Variants in RRM2 observed in about 807,000 individuals in gnomAD.
RRM2 encodes ribonucleoside-diphosphate reductase subunit M2.
In RRM2, 6 loss-of-function variants were observed where a neutral mutation model predicts 45.9. That is an observed-to-expected ratio of 0.13 (90% CI 0.07 to 0.26). The LOEUF (loss-of-function observed/expected upper bound fraction) is 0.26. RRM2 is among the 10% of genes least tolerant of loss of function. The probability of loss-of-function intolerance (pLI) is 1.00; values close to 1 mark genes in which losing one functional copy is unlikely to be tolerated. For synonymous variants in RRM2, 177 were observed against 173.0 expected (o/e 1.02, Z -0.18); for missense variants, 343 against 489.5 (o/e 0.70, Z 2.82).
Position 10,122,852 on chromosome 2 carries a change from G to C in RRM2, c.54G>C (p.Gln18His). 6.2e-7 allele frequency: 1 copy of C among 1,601,598 alleles called. No individual in the cohort carries two copies. Among genetic ancestry groups the C allele is most frequent in the Non-Finnish European group, 8.5e-7 (1 of 1,175,860 alleles). The change falls in exon 1 of 10, where the codon CAG (glutamine) becomes CAC (histidine). Residue 18 changes from glutamine (Q) to histidine (H), a missense_variant. Around this residue, in one of 2 missense-constraint regions of RRM2, gnomAD observed 131 missense variants for 121.4 expected, o/e 1.08. Transcript: ENST00000304567. ...CCATCACGGACCCGCAGCAGCTGCA[G>C]CTCTCGCCGCTGAAGGGGCTCAGCT... ...LAPITDPQQL[Q>H]LSPLKGLSLV...
At chr2:10,133,667 C>G (rs1662940947), downstream of RRM2, among the ~76,000 whole-genome samples, 1 of 150,612 alleles carries the variant, frequency 6.6e-6, no homozygotes, top group African/African-American at 2.5e-5. Context: ...TCAGTGGTGT[C>G]TCCCTGCCAT....
rs530623787 is a variant in RRM2, at chr2:10,209,598, C to T, written n.483-713C>T. Reference sequence around the variant, plus strand: ...GCATGTGTGTGTGTGTGTGCGCGCGCGTGTGTGTGCGTGCATGCGTGTGTG... The same window carrying T: ...GCATGTGTGTGTGTGTGTGCGCGCGTGTGTGTGTGCGTGCATGCGTGTGTG... On this transcript the variant is annotated intron_variant and non_coding_transcript_variant, in intron 3 of 3. Coordinates refer to the RRM2 transcript ENST00000381786. Among the ~76,000 whole-genome samples, 43 of 113,404 alleles carry T rather than the reference C, an allele frequency of 3.8e-4. No individual in the cohort carries two copies. The South Asian group carries it at 4.6e-3, about 12-fold the overall frequency. The allele number at this position is 113,404 out of a possible 152,430, so 74.4% of individuals were successfully genotyped here.
chr2:10,203,759 A>AC (rs1572537344), intron 3 of RRM2, among the ~76,000 whole-genome samples: 3 of 133,584 alleles, frequency 2.2e-5, no homozygotes, highest in East Asian at 2.1e-4. Flanking sequence ...TCACAAAAAT[A>AC]AATACATACA....
At chr2:10,162,984 G>T (rs1211523319) in intron 3 of RRM2, among the ~76,000 whole-genome samples, 2 of 152,218 alleles carry the variant, frequency 1.3e-5, no homozygotes, top group Non-Finnish European at 2.9e-5. Flanking sequence ...GTCTGCACGG[G>T]GCTGCCAGTG....
At chr2:10,191,210 T>G (rs890757005) in intron 3 of RRM2, among the ~76,000 whole-genome samples, 5 of 152,184 alleles carry the variant, frequency 3.3e-5, no homozygotes, top group African/African-American at 9.6e-5. Flanking sequence ...GCTGTGCCTA[T>G]CAGCCCCTAG....
Position 10,129,621 on chromosome 2 carries a change from G to T in RRM2, c.*235G>T. 1 of 521,102 alleles carries T rather than the reference G, an allele frequency of 1.9e-6. No individual in the cohort carries two copies. 32.3% of individuals were successfully genotyped at this position (521,102 alleles called of 1,614,324 possible). A position where few individuals can be genotyped will look rare whatever the true frequency, so the allele number is the denominator to read the frequency against. The stretch of plus-strand genomic sequence containing the variant: ...ACTTACCATAGCAGTGACAATGGCA[G>T]TCTTGGCTTTAAAGTGAGGGGTGAC... On this transcript the variant is annotated 3_prime_UTR_variant, in exon 10 of 10. Transcript: ENST00000304567. This position sits in a 1 kb window ranked among gnomAD's most constrained non-coding sequence, Gnocchi z 4.8.
chr2:10,187,015 G>T (rs894771977), intron 3 of RRM2, among the ~76,000 whole-genome samples: 1 of 152,378 alleles, frequency 6.6e-6, no homozygotes, highest in African/African-American at 2.4e-5. Context: ...TGCGTGCGGG[G>T]CTGGTGCCGG....
chr2:10,176,202 C>T (rs1395529522), intron 3 of RRM2, among the ~76,000 whole-genome samples: 1 of 152,168 alleles, frequency 6.6e-6, no homozygotes, highest in Non-Finnish European at 1.5e-5. Context: ...CTTCAAGACC[C>T]TGTTTTCAGT....
At chr2:10,146,315 C>T (rs1228081003) in intron 3 of RRM2, among the ~76,000 whole-genome samples, 1 of 152,198 alleles carries the variant, frequency 6.6e-6, no homozygotes, top group Non-Finnish European at 1.5e-5. Flanking sequence ...CTTTTTGGAA[C>T]CAGATGACCA....
chr2:10,200,590 G>A (rs12998996), intron 3 of RRM2, among the ~76,000 whole-genome samples: 689 of 7,182 alleles, frequency 0.096, 175 homozygotes, highest in African/African-American at 0.23. Context: ...GGGACCGCGC[G>A]CGCAAAATAT....
chr2:10,161,110 C>T (rs1273762872), intron 3 of RRM2, among the ~76,000 whole-genome samples: 3 of 152,310 alleles, frequency 2.0e-5, no homozygotes, highest in Non-Finnish European at 2.9e-5. Context: ...CTCTGTGGCC[C>T]AGGCTGGAGT....
chr2:10,128,766 C>A, intron 7 of RRM2, 82 bp from the exon 8 acceptor site: 2 of 993,274 alleles, frequency 2.0e-6, no homozygotes, highest in Non-Finnish European at 3.2e-6. Flanking sequence ...AAGGAGAATG[C>A]AGAAAAGGAC....
rs537426118 is a variant in RRM2, at chr2:10,176,429, C to T, written n.483-33882C>T. Among the ~76,000 whole-genome samples, 6 of 152,224 alleles carry T rather than the reference C, an allele frequency of 3.9e-5. No individual in the cohort carries two copies. The East Asian group carries it at 5.8e-4, about 15-fold the overall frequency. Reference sequence around the variant, plus strand: ...GATTACAGACATACGCCACCATGCCCGGCTAATTTTGTATTTTTAGTAGAG... The same window carrying T: ...GATTACAGACATACGCCACCATGCCTGGCTAATTTTGTATTTTTAGTAGAG... On this transcript the variant is annotated intron_variant and non_coding_transcript_variant, in intron 3 of 3. Transcript: ENST00000381786.
At chr2:10,187,228 C>T (rs1664189243) in intron 3 of RRM2, among the ~76,000 whole-genome samples, 1 of 152,232 alleles carries the variant, frequency 6.6e-6, no homozygotes, top group Non-Finnish European at 1.5e-5. Context: ...AGAAGGGTCC[C>T]GCAGGAAGAT....
chr2:10,169,512 T>C lies in RRM2; in HGVS notation n.482+27137T>C, dbSNP rs1171992833. On this transcript the variant is annotated intron_variant and non_coding_transcript_variant, in intron 3 of 3. Transcript: ENST00000381786. The surrounding 1 kb of genome is among the most constrained non-coding windows in gnomAD (Gnocchi z 5.1). ...GCATGGGACAGGTTCTGGTTTTTGC[T>C]ACAGAGACTGTAAGAGATGCAAAGC... is the stretch of plus-strand genomic sequence containing the variant. Among the ~76,000 whole-genome samples the C allele has an allele frequency of 2.0e-5, 3 of 152,128 alleles. No homozygotes were observed. The highest frequency in any genetic ancestry group is 7.2e-5 in the African/African-American group (3 of 41,418).
At chr2:10,133,901 G>A (rs974657688), downstream of RRM2, among the ~76,000 whole-genome samples, 2 of 152,062 alleles carry the variant, frequency 1.3e-5, no homozygotes, top group East Asian at 1.9e-4. Flanking sequence ...TAGGTGGGCC[G>A]GGCATGGTGG....
chr2:10,196,994 A>G lies in RRM2; in HGVS notation n.483-13317A>G, dbSNP rs551711306. On this transcript the variant is annotated intron_variant and non_coding_transcript_variant, in intron 3 of 3. Transcript: ENST00000381786. ...TGCCTGAGAAGGGGCTCTGGGGTCC[A>G]GGGGAGCCAGCTCAGCTCACCCCAG... 3.8e-3 allele frequency among the ~76,000 whole-genome samples: 579 copies of G among 152,314 alleles called. 6 individuals carry two copies. The highest frequency in any genetic ancestry group is 0.013 in the African/African-American group (544 of 41,568).
Position 10,123,369 on chromosome 2 carries a change from T to C in RRM2, c.175-18T>C, listed in dbSNP as rs1469187979. The C allele has an allele frequency of 1.3e-6, 2 of 1,594,274 alleles. No homozygotes were observed. Among genetic ancestry groups the C allele is most frequent in the Non-Finnish European group, 1.7e-6 (2 of 1,174,510 alleles). On this transcript the variant is annotated intron_variant, in intron 2 of 9. Transcript: ENST00000304567. ...TGGTTCGCCCGGTACTTAAATGTTT[T>C]ATTTTCTCCCCCAACAGAAAACTAA... is the stretch of plus-strand genomic sequence containing the variant.
At position 10,171,280 on chromosome 2, in the gene RRM2, C is replaced by T. The variant is rs761890568; in HGVS notation, n.482+28905C>T. Among the ~76,000 whole-genome samples the T allele has an allele frequency of 2.0e-5, 3 of 152,226 alleles. No individual in the cohort carries two copies. Among genetic ancestry groups the T allele is most frequent in the Non-Finnish European group, 4.4e-5 (3 of 68,040 alleles). On this transcript the variant is annotated intron_variant and non_coding_transcript_variant, in intron 3 of 3. Coordinates refer to the RRM2 transcript ENST00000381786. This position sits in a 1 kb window ranked among gnomAD's most constrained non-coding sequence, Gnocchi z 4.1. The stretch of plus-strand genomic sequence containing the variant: ...GTCAGGAGGATTAAATGAGATAAGA[C>T]AAACACAGAGCAACTCCTTGCTAAC...
Sources: allele counts gnomAD v4.1 joint callset (sites outside exome capture counted in the v4.1 genomes callset), GRCh38; gene constraint gnomAD v4.1.1; regional missense constraint gnomAD v4.1.1; non-coding constraint Gnocchi (gnomAD v3.1); transcripts MANE v1.5; gene names NCBI Gene and HGNC (gene_info 2026-07-23, HGNC 2026-07-21).